EFCAB13: variants seen among roughly 807,000 people sequenced by gnomAD.
The protein encoded by EFCAB13 is EF-hand calcium-binding domain-containing protein 13.
A neutral mutation model predicts 110.2 loss-of-function variants in EFCAB13; 91 were observed. The observed-to-expected ratio is 0.83, with a 90% confidence interval of 0.70 to 0.98. The LOEUF (loss-of-function observed/expected upper bound fraction) is 0.98, where lower values mean the gene tolerates loss of function less well. Among genes scored for constraint, EFCAB13 ranks in the 50% least tolerant of loss-of-function variants. The pLI is 0.00. For synonymous variants in EFCAB13, 323 were observed against 369.9 expected (o/e 0.87, Z 1.45); for missense variants, 968 against 1,119.4 (o/e 0.86, Z 1.93).
chr17:47,412,985 A>T, intron 22 of EFCAB13, 69 bp downstream of exon 22: 1 of 1,488,700 alleles, frequency 6.7e-7, no homozygotes, highest in Non-Finnish European at 9.1e-7. Flanking sequence ...CTTAGAGTGT[A>T]CCTATAAGGA....
chr17:47,427,309 T>C (rs188078703), intron 23 of EFCAB13, among the ~76,000 whole-genome samples: 141 of 152,244 alleles, frequency 9.3e-4, no homozygotes, highest in African/African-American at 3.2e-3. Flanking sequence ...ATGGCATAGG[T>C]TACCATAGTA....
At chr17:47,421,313 T>A (rs914802800) in intron 23 of EFCAB13, among the ~76,000 whole-genome samples, 3 of 152,144 alleles carry the variant, frequency 2.0e-5, no homozygotes, top group African/African-American at 7.2e-5. Context: ...AAAATTCTTA[T>A]CCTGTTGATC....
intron 23 of EFCAB13, among the ~76,000 whole-genome samples, chr17:47,428,968 G>A (rs1276927251): frequency 6.6e-6 from 1 of 152,000 alleles, no homozygotes; most frequent in Non-Finnish European, 1.5e-5. Context: ...ATTTTGTTTA[G>A]AAACAAAATA....
chr17:47,406,600 G>A (rs1018233208), intron 20 of EFCAB13, among the ~76,000 whole-genome samples: 1 of 152,140 alleles, frequency 6.6e-6, no homozygotes, highest in African/African-American at 2.4e-5. Flanking sequence ...GCAGGGATAC[G>A]CTAGGTAAGG....
intron 24 of EFCAB13, among the ~76,000 whole-genome samples, chr17:47,432,875 T>C (rs1159642028): frequency 1.3e-5 from 2 of 152,210 alleles, no homozygotes; most frequent in Non-Finnish European, 2.9e-5. Context: ...GTTTTAAAGA[T>C]AGTACAGAGT....
At chr17:47,424,874 C>CTGTTTTTTTTTTTTTTTTTTT (rs1904879736) in intron 23 of EFCAB13, among the ~76,000 whole-genome samples, 1 of 36,902 alleles carries the variant, frequency 2.7e-5, no homozygotes, top group Non-Finnish European at 5.1e-5. Context: ...GGTTGACAAT[C>CTGTTTTTTTTTTTTTTTTTTT]TTTTTTTTTT....
chr17:47,435,705 G>T (rs1905199841), intron 24 of EFCAB13, among the ~76,000 whole-genome samples: 1 of 109,554 alleles, frequency 9.1e-6, no homozygotes, highest in Non-Finnish European at 1.9e-5. Flanking sequence ...AGTCCTTAGG[G>T]TTTTTGAGGT....
chr17:47,412,349 G>A (rs1274756831), intron 21 of EFCAB13, among the ~76,000 whole-genome samples: 1 of 152,198 alleles, frequency 6.6e-6, no homozygotes, highest in Non-Finnish European at 1.5e-5. Context: ...ATAGAGAGGA[G>A]GTGCCTTTTC....
intron 23 of EFCAB13, among the ~76,000 whole-genome samples, chr17:47,423,746 G>A (rs1904816312): frequency 6.6e-6 from 1 of 151,970 alleles, no homozygotes; most frequent in South Asian, 2.1e-4. Context: ...CGGGCGCACG[G>A]CGGCGGTGCA....
chr17:47,360,733 T>G (rs1422937574), intron 9 of EFCAB13, among the ~76,000 whole-genome samples: 2 of 152,172 alleles, frequency 1.3e-5, no homozygotes, highest in Non-Finnish European at 2.9e-5. Flanking sequence ...TGCCTAGGTT[T>G]TCTTCTAGGG....
chr17:47,396,493 A>G (rs943730507), intron 17 of EFCAB13, among the ~76,000 whole-genome samples: 2 of 152,224 alleles, frequency 1.3e-5, no homozygotes, highest in African/African-American at 4.8e-5. Context: ...AAAAATGTAA[A>G]GTAAGTCTCC....
At chr17:47,439,492 G>A (rs1253277822) in intron 24 of EFCAB13, among the ~76,000 whole-genome samples, 1 of 151,936 alleles carries the variant, frequency 6.6e-6, no homozygotes, top group Non-Finnish European at 1.5e-5. Flanking sequence ...TTCCTCTTTG[G>A]TGTAGGCTCT....
At chr17:47,349,964 C>T (rs962512343) in intron 9 of EFCAB13, among the ~76,000 whole-genome samples, 17 of 151,326 alleles carry the variant, frequency 1.1e-4, no homozygotes, top group Non-Finnish European at 2.2e-4. Context: ...TTAGTAGAGA[C>T]GGGGTTTCAC....
intron 20 of EFCAB13, among the ~76,000 whole-genome samples, chr17:47,408,686 T>A (rs1015402824): frequency 1.3e-5 from 2 of 151,972 alleles, no homozygotes; most frequent in South Asian, 2.1e-4. Flanking sequence ...AAAAGTATAA[T>A]CAAATCCCCC....
chr17:47,335,529 A>AT (rs1341219101), intron 5 of EFCAB13, among the ~76,000 whole-genome samples, 173 bp downstream of exon 5: 8 of 152,040 alleles, frequency 5.3e-5, no homozygotes, highest in Non-Finnish European at 1.0e-4. Context: ...CTGTTCTTAC[A>AT]TTTTTTCTGA....
chr17:47,336,276 G>A (rs918459274), intron 5 of EFCAB13, among the ~76,000 whole-genome samples: 10 of 149,788 alleles, frequency 6.7e-5, no homozygotes, highest in African/African-American at 2.0e-4. Context: ...ACAGGCGTGC[G>A]CCGTCACACT....
At chr17:47,438,413 T>C (rs1385958171) in intron 24 of EFCAB13, among the ~76,000 whole-genome samples, 1 of 152,170 alleles carries the variant, frequency 6.6e-6, no homozygotes, top group East Asian at 1.9e-4. Flanking sequence ...AATTCTCTTC[T>C]TCCTCAGGTA....
At chr17:47,401,571 G>A (rs1185357987) in intron 17 of EFCAB13, among the ~76,000 whole-genome samples, 1 of 150,026 alleles carries the variant, frequency 6.7e-6, no homozygotes, top group African/African-American at 2.5e-5. Flanking sequence ...AATATGTCTT[G>A]GTTTTATATT....
At position 47,403,893 on chromosome 17, in the gene EFCAB13, T is replaced by G. The variant is rs2065791327; in HGVS notation, c.2033T>G (p.Val678Gly). 1 of 1,606,288 alleles carries G rather than the reference T, an allele frequency of 6.2e-7. No homozygotes were observed. Among genetic ancestry groups the G allele is most frequent in the Non-Finnish European group, 8.5e-7 (1 of 1,177,192 alleles). The change falls in exon 19 of 25, where the codon GTC becomes GGC. Residue 678 changes from valine (V) to glycine (G), a missense_variant. Transcript: ENST00000331493. ...CTATTTATAGAGTTACAGGAAGTTG[T>G]CTTAGCTGCTGATTTGCTGGAAGGT... ...AARLEELQEV[V>G]LAADLLEGDM...
Sources: gnomAD v4.1 joint callset for allele counts (sites outside exome capture counted in the v4.1 genomes callset) on GRCh38, gnomAD v4.1.1 for gene constraint, MANE v1.5 for transcripts, NCBI Gene and HGNC (gene_info 2026-07-23, HGNC 2026-07-21) for gene names.